NCOR1: variants seen among roughly 807,000 people sequenced by gnomAD.
The protein encoded by NCOR1 is nuclear receptor corepressor 1.
Under a neutral mutation model 288.1 loss-of-function variants are expected in NCOR1, and 63 were observed. The ratio of observed to expected loss-of-function variants is 0.22; its 90% CI spans 0.18 to 0.27. The LOEUF (loss-of-function observed/expected upper bound fraction) is 0.27. Ranked by LOEUF, NCOR1 falls within the 10% of genes least tolerant of loss-of-function variation. The probability of loss-of-function intolerance (pLI) is 1.00; values close to 1 mark genes in which losing one functional copy is unlikely to be tolerated. For synonymous variants in NCOR1, 1,007 were observed against 1,065.9 expected (o/e 0.94, Z 1.08); for missense variants, 2,397 against 3,019.2 (o/e 0.79, Z 4.83).
intron 21 of NCOR1, among the ~76,000 whole-genome samples, chr17:16,097,663 T>C (rs1464732966): frequency 6.6e-6 from 1 of 152,228 alleles, no homozygotes; most frequent in Non-Finnish European, 1.5e-5. Flanking sequence ...TCCATTTGGC[T>C]GTTTCTGAGT....
In NCOR1 at chr17:16,071,406, T is replaced by C; in HGVS notation, c.4152+3A>G. ...CTGACAAAAAGAGCCAAAACTTAGT[T>C]ACCTGGGAAATGGAACCCTCAATTA... On this transcript the variant is annotated splice_donor_region_variant and intron_variant, in intron 30 of 45. Transcript: ENST00000268712. 1.2e-6 allele frequency: 2 copies of C among 1,605,818 alleles called. No individual in the cohort carries two copies. The highest frequency in any genetic ancestry group is 1.3e-5 in the African/African-American group (1 of 74,562).
chr17:16,210,471 T>G (rs1043371234), intron 1 of NCOR1, among the ~76,000 whole-genome samples: 1 of 152,186 alleles, frequency 6.6e-6, no homozygotes, highest in Non-Finnish European at 1.5e-5. Context: ...TTTCCATCAC[T>G]ATTAATACTT....
Position 16,062,280 on chromosome 17 carries a change from T to A in NCOR1, c.5222-10A>T. Reference sequence around the variant, plus strand: ...CCAGGCTGTTCTGAGCCTGCAGAGGTGAAAAAGAGAAAGAAACAAAGACAT... The same window carrying A: ...CCAGGCTGTTCTGAGCCTGCAGAGGAGAAAAAGAGAAAGAAACAAAGACAT... On this transcript the variant is annotated splice_polypyrimidine_tract_variant and intron_variant, in intron 35 of 45. Coordinates refer to ENST00000268712, the MANE Select transcript of NCOR1 (RefSeq NM_006311.4). 1.3e-6 allele frequency: 2 copies of A among 1,573,108 alleles called. No individual in the cohort carries two copies. The highest frequency in any genetic ancestry group is 1.7e-6 in the Non-Finnish European group (2 of 1,167,622).
intron 2 of NCOR1, among the ~76,000 whole-genome samples, chr17:16,187,340 A>C (rs2086875168): frequency 6.6e-6 from 1 of 152,102 alleles, no homozygotes; most frequent in African/African-American, 2.4e-5. Flanking sequence ...CAAGTATATA[A>C]AACCACACAC....
At chr17:16,074,257 G>C (rs1306217982) in intron 27 of NCOR1, among the ~76,000 whole-genome samples, 1 of 152,136 alleles carries the variant, frequency 6.6e-6, no homozygotes, top group Admixed American at 6.5e-5. Flanking sequence ...TTATATCCAG[G>C]GTGATGGAAA....
At chr17:16,065,196 T>C (rs918542421) in intron 33 of NCOR1, among the ~76,000 whole-genome samples, 177 bp from the exon 34 acceptor site, 2 of 152,210 alleles carry the variant, frequency 1.3e-5, no homozygotes, top group Admixed American at 6.5e-5. Context: ...TATTAAAGAC[T>C]GTACTTCACA....
chr17:16,112,383 T>C (rs1233832017), intron 18 of NCOR1, among the ~76,000 whole-genome samples: 2 of 152,258 alleles, frequency 1.3e-5, no homozygotes, highest in South Asian at 2.1e-4. Context: ...TTATACTTTG[T>C]ATACTCTTAA....
In NCOR1 at chr17:16,156,393, G is replaced by A. The variant is rs145233358; in HGVS notation, c.732+2367C>T. On this transcript the variant is annotated intron_variant, in intron 6 of 45. Coordinates refer to ENST00000268712, the MANE Select transcript of NCOR1 (RefSeq NM_006311.4). ...GGAGGTTGCAGTGAGCTGAGATTGC[G>A]CCACAGCACTCCAACCTCGGGGACG... Among the ~76,000 whole-genome samples, 713 of 150,002 alleles carry A rather than the reference G, an allele frequency of 4.8e-3. 7 individuals carry two copies. The highest frequency in any genetic ancestry group is 0.017 in the African/African-American group (681 of 40,696).
chr17:16,048,136 A>T (rs1318726308), intron 41 of NCOR1, among the ~76,000 whole-genome samples: 2 of 152,244 alleles, frequency 1.3e-5, no homozygotes, highest in African/African-American at 4.8e-5. Context: ...ACCATGAGCA[A>T]GTGACATGTC....
At chr17:16,091,178 T>C (rs184346769) in intron 22 of NCOR1, among the ~76,000 whole-genome samples, 70 of 152,320 alleles carry the variant, frequency 4.6e-4, no homozygotes, top group African/African-American at 1.6e-3. Context: ...TGAAAACAGG[T>C]ACCTCCATAG....
At chr17:16,044,218 A>G (rs1233190620) in intron 42 of NCOR1, among the ~76,000 whole-genome samples, 1 of 151,706 alleles carries the variant, frequency 6.6e-6, no homozygotes, top group African/African-American at 2.4e-5. Flanking sequence ...TGTAAGCCTG[A>G]TAACAATTCT....
At chr17:16,212,763 T>C (rs2092252006) in intron 1 of NCOR1, among the ~76,000 whole-genome samples, 1 of 152,166 alleles carries the variant, frequency 6.6e-6, no homozygotes, top group Non-Finnish European at 1.5e-5. Flanking sequence ...CACCAATTCA[T>C]AACACAATTT....
At chr17:16,092,473 C>T (rs1385849086) in intron 21 of NCOR1, among the ~76,000 whole-genome samples, 1 of 151,364 alleles carries the variant, frequency 6.6e-6, no homozygotes, top group Non-Finnish European at 1.5e-5. Flanking sequence ...GGCAACACAG[C>T]AAGACCTAGT....
At chr17:16,056,806 C>T (rs2059980216) in intron 40 of NCOR1, among the ~76,000 whole-genome samples, 1 of 151,912 alleles carries the variant, frequency 6.6e-6, no homozygotes, top group South Asian at 2.1e-4. Flanking sequence ...ACTCATGATG[C>T]CACTATTGGC....
chr17:16,146,244 A>G, intron 10 of NCOR1, 132 bp downstream of exon 10: 1 of 773,882 alleles, frequency 1.3e-6, no homozygotes, highest in Non-Finnish European at 2.0e-6. Context: ...CTATTGTCCT[A>G]TGACCCTGCC....
chr17:16,155,053 C>T (rs557341009), intron 6 of NCOR1, among the ~76,000 whole-genome samples: 1 of 152,132 alleles, frequency 6.6e-6, no homozygotes, highest in African/African-American at 2.4e-5. Flanking sequence ...CAAATCAACC[C>T]GTCAAAATAT....
chr17:16,151,466 C>A, intron 8 of NCOR1: 1 of 663,610 alleles, frequency 1.5e-6, no homozygotes, highest in Non-Finnish European at 2.3e-6. Flanking sequence ...AAGGGATTTC[C>A]CTAGAATAGG....
At chr17:16,035,715 A>C (rs898805535) in intron 44 of NCOR1, among the ~76,000 whole-genome samples, 6 of 151,432 alleles carry the variant, frequency 4.0e-5, no homozygotes, top group African/African-American at 1.5e-4. Flanking sequence ...CTACTTTTTA[A>C]AATTTTTGTA....
At chr17:16,161,260 CA>C (rs2080808097) in intron 5 of NCOR1, among the ~76,000 whole-genome samples, 1 of 151,050 alleles carries the variant, frequency 6.6e-6, no homozygotes, top group Non-Finnish European at 1.5e-5. Context: ...CACACACACA[CA>C]CACACACACA....
Sources: allele counts gnomAD v4.1 joint callset (sites outside exome capture counted in the v4.1 genomes callset), GRCh38; gene constraint gnomAD v4.1.1; transcripts MANE v1.5; gene names NCBI Gene and HGNC (gene_info 2026-07-23, HGNC 2026-07-21).